The following FNIP1 variants were observed in gnomAD, a reference collection of about 807,000 sequenced individuals.
FNIP1 encodes the protein folliculin interacting protein 1.
Under a neutral mutation model 124.5 loss-of-function variants are expected in FNIP1, and 40 were observed. The ratio of observed to expected loss-of-function variants is 0.32; its 90% CI spans 0.25 to 0.42. The LOEUF is 0.42. Among genes scored for constraint, FNIP1 ranks in the 10% least tolerant of loss-of-function variants. FNIP1 has a pLI of 1.00. For synonymous variants in FNIP1, 472 were observed against 470.6 expected (o/e 1.00, Z -0.04); for missense variants, 1,176 against 1,403.7 (o/e 0.84, Z 2.59).
At chr5:131,772,766 T>G (rs1483904890) in intron 1 of FNIP1, among the ~76,000 whole-genome samples, 1 of 152,198 alleles carries the variant, frequency 6.6e-6, no homozygotes, top group Admixed American at 6.5e-5. Flanking sequence ...CCCATCTCTC[T>G]GCTACCATCA....
intron 10 of FNIP1, 134 bp downstream of exon 10, chr5:131,703,931 T>G: frequency 1.5e-6 from 1 of 661,348 alleles, no homozygotes; most frequent in Non-Finnish European, 2.5e-6. Flanking sequence ...TTCAATCTAT[T>G]TGCATCCACC....
intron 6 of FNIP1, among the ~76,000 whole-genome samples, chr5:131,712,633 A>G (rs1484036825): frequency 5.3e-5 from 8 of 152,234 alleles, no homozygotes; most frequent in Admixed American, 6.5e-5. Context: ...GGCCTGTAAT[A>G]ACATGAAAGG....
intron 6 of FNIP1, among the ~76,000 whole-genome samples, chr5:131,712,674 T>C (rs1027773992): frequency 6.6e-6 from 1 of 152,240 alleles, no homozygotes; most frequent in African/African-American, 2.4e-5. Flanking sequence ...AAGGATTTAC[T>C]AAATATTCTT....
chr5:131,710,677 G>A lies in FNIP1; in HGVS notation c.623-16C>T, dbSNP rs372609311. On this transcript the variant is annotated splice_polypyrimidine_tract_variant and intron_variant, in intron 6 of 17. Coordinates refer to ENST00000510461, the MANE Select transcript of FNIP1 (RefSeq NM_133372.3). ...TGTGAAAGACCTACATGGCAAAAAC[G>A]TAAAATACACATGAAAGAGGACTGT... 53 of 1,610,278 alleles carry A rather than the reference G, an allele frequency of 3.3e-5. No individual in the cohort carries two copies. Among genetic ancestry groups the A allele is most frequent in the Non-Finnish European group, 4.2e-5 (50 of 1,178,212 alleles).
intron 13 of FNIP1, among the ~76,000 whole-genome samples, chr5:131,673,926 C>T (rs1216973712): frequency 1.3e-5 from 2 of 152,016 alleles, no homozygotes; most frequent in Non-Finnish European, 2.9e-5. Flanking sequence ...GTCCCAGCTA[C>T]TTGGGAGGCT....
Position 131,756,042 on chromosome 5 carries a change from G to T in FNIP1, c.93-11352C>A, listed in dbSNP as rs2149568939. Among the ~76,000 whole-genome samples the T allele has an allele frequency of 2.6e-5, 4 of 151,842 alleles. No homozygotes were observed. In the Middle Eastern group the frequency reaches 0.014, roughly 520 times the overall value. ...AAAAAAAGGTTAATGAAGATGAAAA[G>T]AAAGGAATCACGCACAATGCAAATG... On this transcript the variant is annotated intron_variant, in intron 1 of 17. Transcript: ENST00000510461.
chr5:131,680,209 C>G (rs1261950415), intron 11 of FNIP1, among the ~76,000 whole-genome samples: 1 of 152,166 alleles, frequency 6.6e-6, no homozygotes, highest in Non-Finnish European at 1.5e-5. Flanking sequence ...CTAGAAAGTT[C>G]TCTGAGATTT....
rs1372765357 is a variant in FNIP1 at position 131,796,812 on chromosome 5, C to A, written c.92+18G>T. On this transcript the variant is annotated intron_variant, in intron 1 of 17. Transcript: ENST00000510461. ...ACAAGGCCATCGGCTCCGCGACCCC[C>A]GCCCCACAGCGCCCTACCTGAACCC... The A allele has an allele frequency of 6.4e-7, 1 of 1,562,238 alleles. No individual in the cohort carries two copies. The highest frequency in any genetic ancestry group is 8.7e-7 in the Non-Finnish European group (1 of 1,153,762).
intron 1 of FNIP1, among the ~76,000 whole-genome samples, chr5:131,775,079 T>C (rs888646594): frequency 1.3e-5 from 2 of 152,258 alleles, no homozygotes; most frequent in Non-Finnish European, 2.9e-5. Flanking sequence ...AAGTTGCTAG[T>C]TTCACGGAAG....
chr5:131,732,378 T>A (rs1770124536), intron 2 of FNIP1, among the ~76,000 whole-genome samples: 1 of 152,228 alleles, frequency 6.6e-6, no homozygotes, highest in Non-Finnish European at 1.5e-5. Context: ...TAGAACTAGA[T>A]ATGAGTTCAA....
At chr5:131,696,100 A>T (rs1373550389) in intron 11 of FNIP1, among the ~76,000 whole-genome samples, 1 of 152,226 alleles carries the variant, frequency 6.6e-6, no homozygotes, top group Non-Finnish European at 1.5e-5. Flanking sequence ...AATAATCCTG[A>T]TGTTAAAATT....
intron 16 of FNIP1, among the ~76,000 whole-genome samples, chr5:131,649,505 TA>T (rs1385628040): frequency 6.6e-6 from 1 of 152,196 alleles, no homozygotes; most frequent in African/African-American, 2.4e-5. Context: ...TTAATTCAAT[TA>T]TTTTTTTCCT....
chr5:131,751,332 T>C (rs763229214), intron 1 of FNIP1, among the ~76,000 whole-genome samples: 7 of 152,150 alleles, frequency 4.6e-5, no homozygotes, highest in Admixed American at 2.6e-4. Context: ...CTACTGAGTT[T>C]TGGGATTACA....
intron 16 of FNIP1, among the ~76,000 whole-genome samples, chr5:131,649,253 A>G (rs1766976614): frequency 6.6e-6 from 1 of 152,194 alleles, no homozygotes; most frequent in African/African-American, 2.4e-5. Context: ...CGGCTCCAGC[A>G]CCATTTTACA....
chr5:131,785,113 C>G (rs61163797), intron 1 of FNIP1, among the ~76,000 whole-genome samples: 4 of 10,130 alleles, frequency 3.9e-4, no homozygotes, highest in Non-Finnish European at 9.3e-4. Context: ...ATATATATAT[C>G]ATATATATGA....
intron 14 of FNIP1, among the ~76,000 whole-genome samples, chr5:131,670,933 G>C (rs1237636296): frequency 1.3e-5 from 2 of 152,056 alleles, no homozygotes; most frequent in African/African-American, 2.4e-5. Flanking sequence ...ATGAAGTGAG[G>C]ATCAATCTTT....
At chr5:131,748,300 C>T (rs1044245769) in intron 1 of FNIP1, among the ~76,000 whole-genome samples, 16 of 152,154 alleles carry the variant, frequency 1.1e-4, no homozygotes, top group African/African-American at 3.9e-4. Context: ...GTATTACGCA[C>T]ATGTCTGTGG....
At chr5:131,702,990 CTA>C (rs894061917) in intron 10 of FNIP1, among the ~76,000 whole-genome samples, 2 of 152,238 alleles carry the variant, frequency 1.3e-5, no homozygotes, top group Admixed American at 6.5e-5. Flanking sequence ...TAAATACCAT[CTA>C]TACACTGATG....
At chr5:131,698,767 A>G (rs1035395648) in intron 11 of FNIP1, 150 bp downstream of exon 11, 2 of 530,140 alleles carry the variant, frequency 3.8e-6, no homozygotes, top group African/African-American at 3.9e-5. Context: ...TTGAGATGTA[A>G]TAACATAGGA....
Sources: gnomAD v4.1 joint callset for allele counts (sites outside exome capture counted in the v4.1 genomes callset) on GRCh38, gnomAD v4.1.1 for gene constraint, MANE v1.5 for transcripts, NCBI Gene and HGNC (gene_info 2026-07-23, HGNC 2026-07-21) for gene names.